KIF6: variants seen among roughly 807,000 people sequenced by gnomAD.
KIF6 encodes the protein kinesin-like protein KIF6.
KIF6 carries 106 observed loss-of-function variants against 112.7 expected under a neutral mutation model. The observed-to-expected ratio is 0.94, with a 90% CI of 0.80 to 1.11. KIF6 has a LOEUF of 1.11. Ranked by LOEUF, KIF6 falls within the 50% of genes least tolerant of loss-of-function variation. KIF6 has a pLI of 0.00. For synonymous variants in KIF6, 339 were observed against 339.9 expected (o/e 1.00, Z 0.03); for missense variants, 929 against 964.0 (o/e 0.96, Z 0.48).
In KIF6 at chr6:39,343,644, G is replaced by T; in HGVS notation, c.2428+65C>A. ...CTCCCTACTCCCCTCCCACCTCACT[G>T]TGTGCTCCCCACAAGTGTTGGTGAC... On this transcript the variant is annotated intron_variant, in intron 22 of 22. Coordinates refer to ENST00000287152, the MANE Select transcript of KIF6 (RefSeq NM_145027.6). This position sits in a 1 kb window ranked among gnomAD's most constrained non-coding sequence, Gnocchi z 4.1. The T allele has an allele frequency of 7.5e-7, 1 of 1,325,752 alleles. No individual in the cohort carries two copies. 82.1% of individuals were successfully genotyped at this position (1,325,752 alleles called of 1,614,324 possible). A position where few individuals can be genotyped will look rare whatever the true frequency, so the allele number is the denominator to read the frequency against.
chr6:39,617,319 A>T (rs1417157088), intron 5 of KIF6, among the ~76,000 whole-genome samples: 2 of 152,190 alleles, frequency 1.3e-5, no homozygotes. Flanking sequence ...ACTGAAGCAC[A>T]TATAAAGAGC....
chr6:39,511,256 AC>A (rs1407307519), intron 13 of KIF6, among the ~76,000 whole-genome samples: 1 of 152,220 alleles, frequency 6.6e-6, no homozygotes, highest in Non-Finnish European at 1.5e-5. Flanking sequence ...CAAGAAAAAA[AC>A]AACCTCGTCA....
At chr6:39,363,748 C>A (rs371079538) in intron 16 of KIF6, among the ~76,000 whole-genome samples, 1 of 152,132 alleles carries the variant, frequency 6.6e-6, no homozygotes, top group East Asian at 1.9e-4. Flanking sequence ...GTTATTATGC[C>A]CATTTTACAG....
At chr6:39,572,014 A>G (rs993973624) in intron 10 of KIF6, among the ~76,000 whole-genome samples, 2 of 152,152 alleles carry the variant, frequency 1.3e-5, no homozygotes, top group Non-Finnish European at 2.9e-5. Context: ...GAATTCCTAC[A>G]TAATTATTTT....
chr6:39,532,954 G>C (rs936489679), intron 13 of KIF6, among the ~76,000 whole-genome samples: 1 of 152,216 alleles, frequency 6.6e-6, no homozygotes, highest in African/African-American at 2.4e-5. Context: ...ACACGCGAAT[G>C]AACTTGGGCT....
At position 39,602,403 on chromosome 6, in the gene KIF6, T is replaced by C. The variant is rs576734454; in HGVS notation, c.640-6143A>G. ...TTACTTCTCACTGAAGTTCCATTCA[T>C]CTGAAAGATTACTTCCTACAAAGCC... is the stretch of plus-strand genomic sequence containing the variant. On this transcript the variant is annotated intron_variant, in intron 6 of 22. Coordinates refer to ENST00000287152, the MANE Select transcript of KIF6 (RefSeq NM_145027.6). Among the ~76,000 whole-genome samples the C allele has an allele frequency of 5.8e-4, 89 of 152,278 alleles. 1 individual carries two copies. The highest frequency in any genetic ancestry group is 3.4e-3 in the Middle Eastern group (1 of 294).
At chr6:39,580,872 T>C (rs1781248736) in intron 9 of KIF6, among the ~76,000 whole-genome samples, 1 of 152,176 alleles carries the variant, frequency 6.6e-6, no homozygotes, top group African/African-American at 2.4e-5. Flanking sequence ...ACCATTATCC[T>C]AAATTTTGTT....
At chr6:39,577,977 T>A (rs377153925) in intron 10 of KIF6, 79 bp downstream of exon 10, 1 of 971,482 alleles carries the variant, frequency 1.0e-6, no homozygotes. Flanking sequence ...TGAGGTGAAT[T>A]CATAACATTA....
At chr6:39,696,245 G>A (rs975927827) in intron 3 of KIF6, among the ~76,000 whole-genome samples, 4 of 152,220 alleles carry the variant, frequency 2.6e-5, no homozygotes, top group South Asian at 2.1e-4. Context: ...TCAGAACCAC[G>A]TAATATACCC....
At chr6:39,361,831 G>A (rs1765176282) in intron 17 of KIF6, among the ~76,000 whole-genome samples, 1 of 152,106 alleles carries the variant, frequency 6.6e-6, no homozygotes, top group Non-Finnish European at 1.5e-5. Flanking sequence ...GGTGGGGCAG[G>A]GAGTGTGCTG....
chr6:39,344,289 A>T (rs966900588), intron 21 of KIF6, among the ~76,000 whole-genome samples: 135 of 152,270 alleles, frequency 8.9e-4, no homozygotes, highest in African/African-American at 3.1e-3. Context: ...AGGCCTCCCC[A>T]GTGACATGAA....
At chr6:39,550,358 G>C (rs990767292) in intron 10 of KIF6, among the ~76,000 whole-genome samples, 2 of 152,154 alleles carry the variant, frequency 1.3e-5, no homozygotes, top group Admixed American at 6.5e-5. Flanking sequence ...AATGCTGGCT[G>C]TTTCCAAATA....
chr6:39,429,710 C>T (rs759494584), intron 14 of KIF6, among the ~76,000 whole-genome samples: 31 of 152,262 alleles, frequency 2.0e-4, no homozygotes, highest in African/African-American at 7.0e-4. Context: ...CAGATGAGAC[C>T]ATCGTGGCTA....
intron 13 of KIF6, among the ~76,000 whole-genome samples, chr6:39,507,317 T>C (rs1776477286): frequency 6.6e-6 from 1 of 152,128 alleles, no homozygotes; most frequent in African/African-American, 2.4e-5. Context: ...AAATCCCACA[T>C]ATTTGGGGGT....
intron 13 of KIF6, among the ~76,000 whole-genome samples, chr6:39,519,883 G>T (rs1777289706): frequency 6.6e-6 from 1 of 152,046 alleles, no homozygotes; most frequent in African/African-American, 2.4e-5. Context: ...TAAGCCGGGT[G>T]TGGTGGTGGA....
chr6:39,357,432 T>C (rs1764791263), intron 18 of KIF6, 58 bp from the exon 19 acceptor site: 5 of 1,047,646 alleles, frequency 4.8e-6, no homozygotes, highest in Non-Finnish European at 5.8e-6. Context: ...CATAGGAAGA[T>C]GTTTTTGATG....
intron 13 of KIF6, among the ~76,000 whole-genome samples, chr6:39,498,898 TGGCCTTTCCTGTG>T (rs1322089867): frequency 2.0e-5 from 3 of 152,190 alleles, no homozygotes; most frequent in African/African-American, 7.2e-5. Context: ...TAAAGCCACC[TGGCCTTTCCTGTG>T]GGCACACAGA....
intron 13 of KIF6, among the ~76,000 whole-genome samples, chr6:39,535,027 C>G (rs1434496819): frequency 6.6e-6 from 1 of 152,126 alleles, no homozygotes; most frequent in East Asian, 1.9e-4. Flanking sequence ...GATTTTGTCA[C>G]CGCCAGGCCT....
chr6:39,654,559 T>C (rs1785659176), intron 3 of KIF6, among the ~76,000 whole-genome samples: 1 of 152,230 alleles, frequency 6.6e-6, no homozygotes, highest in Non-Finnish European at 1.5e-5. Context: ...TACCTTTACT[T>C]ATTTTTGATT....
Sources: allele counts gnomAD v4.1 joint callset (sites outside exome capture counted in the v4.1 genomes callset), GRCh38; gene constraint gnomAD v4.1.1; non-coding constraint Gnocchi (gnomAD v3.1); transcripts MANE v1.5; gene names NCBI Gene and HGNC (gene_info 2026-07-23, HGNC 2026-07-21).